The following RPS6KC1 variants were observed in gnomAD, a reference collection of about 807,000 sequenced individuals.
RPS6KC1 encodes inactive ribosomal protein S6 kinase delta-1.
Under a neutral mutation model 103.8 loss-of-function variants are expected in RPS6KC1, and 54 were observed. The ratio of observed to expected loss-of-function variants is 0.52; its 90% CI spans 0.42 to 0.65. RPS6KC1 has a LOEUF of 0.65. Among genes scored for constraint, RPS6KC1 ranks in the 30% least tolerant of loss-of-function variants. RPS6KC1 has a pLI of 0.00. For missense variants in RPS6KC1, 1,151 were observed against 1,253.8 expected, an observed-to-expected ratio of 0.92 and a Z score of 1.24; for synonymous variants, 439 against 438.7, an observed-to-expected ratio of 1.00 and a Z score of -0.01.
chr1:213,407,190 G>C, the RPS6KC1 span, among the ~76,000 whole-genome samples: 2 of 150,464 alleles, frequency 1.3e-5, no homozygotes, highest in Non-Finnish European at 2.9e-5. Flanking sequence ...GGGATATAGA[G>C]TGTATGTGTA....
At chr1:213,538,284 C>A in the RPS6KC1 span, among the ~76,000 whole-genome samples, 1 of 152,156 alleles carries the variant, frequency 6.6e-6, no homozygotes, top group Non-Finnish European at 1.5e-5. Context: ...TCCTTCAATC[C>A]TGGATGTTTT....
chr1:213,727,507 G>A, the RPS6KC1 span, among the ~76,000 whole-genome samples: 3 of 152,184 alleles, frequency 2.0e-5, no homozygotes, highest in Non-Finnish European at 4.4e-5. Flanking sequence ...AGAAGTTTCA[G>A]ATAAATAATA....
At chr1:213,808,336 C>A in the RPS6KC1 span, among the ~76,000 whole-genome samples, 1 of 152,232 alleles carries the variant, frequency 6.6e-6, no homozygotes, top group South Asian at 2.1e-4. Context: ...TTTAAGTCTG[C>A]AGAGGTTACT....
At chr1:213,556,483 G>T in the RPS6KC1 span, among the ~76,000 whole-genome samples, 2 of 152,186 alleles carry the variant, frequency 1.3e-5, no homozygotes, top group African/African-American at 2.4e-5. Context: ...TAAGATTTAT[G>T]CAGAGGGAGC....
chr1:213,217,334 ACT>A (rs2148731643), intron 8 of RPS6KC1, among the ~76,000 whole-genome samples: 1 of 152,110 alleles, frequency 6.6e-6, no homozygotes, highest in East Asian at 1.9e-4. Flanking sequence ...AGAAGTTGAA[ACT>A]CTGAATAGAC....
At chr1:213,334,402 C>T in the RPS6KC1 span, among the ~76,000 whole-genome samples, 1 of 152,174 alleles carries the variant, frequency 6.6e-6, no homozygotes, top group Non-Finnish European at 1.5e-5. Flanking sequence ...CTAGGACCTC[C>T]AGCAGTAAGT....
At chr1:213,847,309 C>T in the RPS6KC1 span, among the ~76,000 whole-genome samples, 3 of 152,156 alleles carry the variant, frequency 2.0e-5, no homozygotes, top group African/African-American at 4.8e-5. Flanking sequence ...TTATATTCAA[C>T]ATAATATAAT....
the RPS6KC1 span, among the ~76,000 whole-genome samples, chr1:213,858,409 T>C: frequency 1.2e-4 from 18 of 152,080 alleles, no homozygotes; most frequent in Non-Finnish European, 2.6e-4. Flanking sequence ...TTTTTTAGCA[T>C]CTTCAAGTCA....
the RPS6KC1 span, among the ~76,000 whole-genome samples, chr1:213,400,605 G>A: frequency 2.6e-5 from 4 of 152,080 alleles, no homozygotes; most frequent in Admixed American, 1.3e-4. Context: ...CTACTAATTA[G>A]CAGCAGCTTT....
the RPS6KC1 span, among the ~76,000 whole-genome samples, chr1:213,655,091 GGAATGCAGTT>G: frequency 6.6e-6 from 1 of 152,168 alleles, no homozygotes; most frequent in East Asian, 1.9e-4. Context: ...CACCCAGGCT[GGAATGCAGTT>G]GCATGATCTC....
chr1:213,080,404 T>C (rs1249330539), intron 3 of RPS6KC1, among the ~76,000 whole-genome samples: 1 of 152,210 alleles, frequency 6.6e-6, no homozygotes, highest in Non-Finnish European at 1.5e-5. Flanking sequence ...ATAGCATTTT[T>C]GATCTTCCTC....
intron 3 of RPS6KC1, among the ~76,000 whole-genome samples, chr1:213,081,119 C>T (rs986065846): frequency 5.9e-5 from 9 of 152,214 alleles, no homozygotes; most frequent in African/African-American, 2.2e-4. Flanking sequence ...ATTCTTTTCT[C>T]CTGGTATTCA....
intron 8 of RPS6KC1, among the ~76,000 whole-genome samples, chr1:213,185,532 C>T (rs1330868180): frequency 6.6e-6 from 1 of 152,064 alleles, no homozygotes; most frequent in Admixed American, 6.5e-5. Flanking sequence ...CCTGTAATCC[C>T]AGCTACGTGG....
intron 2 of RPS6KC1, among the ~76,000 whole-genome samples, chr1:213,073,572 G>C (rs1004653216): frequency 2.0e-5 from 3 of 152,156 alleles, no homozygotes; most frequent in African/African-American, 7.2e-5. Context: ...TGAAATTTGG[G>C]AAAGGAAAAG....
the RPS6KC1 span, among the ~76,000 whole-genome samples, chr1:213,623,583 A>G: frequency 6.6e-6 from 1 of 152,190 alleles, no homozygotes; most frequent in East Asian, 1.9e-4. Flanking sequence ...AGAGAAGTTG[A>G]CCAGGGGTGT....
intron 7 of RPS6KC1, among the ~76,000 whole-genome samples, chr1:213,173,714 T>C (rs2091654678): frequency 6.6e-6 from 1 of 152,218 alleles, no homozygotes; most frequent in Non-Finnish European, 1.5e-5. Flanking sequence ...AGAGAGTGTT[T>C]TATTGTTATT....
the RPS6KC1 span, among the ~76,000 whole-genome samples, chr1:213,485,119 G>C: frequency 6.6e-6 from 1 of 152,082 alleles, no homozygotes; most frequent in African/African-American, 2.4e-5. Context: ...TCCCATCCTG[G>C]CCTCCCAAAG....
the RPS6KC1 span, among the ~76,000 whole-genome samples, chr1:213,607,235 T>G: frequency 3.3e-4 from 50 of 152,150 alleles, no homozygotes; most frequent in Admixed American, 1.0e-3. Context: ...TAAGCACAAT[T>G]TCAGTAAGAG....
the RPS6KC1 span, among the ~76,000 whole-genome samples, chr1:213,379,499 G>A: frequency 6.6e-6 from 1 of 152,282 alleles, no homozygotes; most frequent in South Asian, 2.1e-4. Flanking sequence ...AACAGATTCC[G>A]CCTTAGCCCC....
Sources: gnomAD v4.1 joint callset for allele counts (sites outside exome capture counted in the v4.1 genomes callset) on GRCh38, gnomAD v4.1.1 for gene constraint, MANE v1.5 for transcripts, NCBI Gene and HGNC (gene_info 2026-07-23, HGNC 2026-07-21) for gene names.